Variants in PPP4R3A observed in about 807,000 individuals in gnomAD.
The protein encoded by PPP4R3A is serine/threonine-protein phosphatase 4 regulatory subunit 3A.
PPP4R3A carries 15 observed loss-of-function variants against 91.7 expected under a neutral mutation model. The observed-to-expected ratio is 0.16, with a 90% CI of 0.11 to 0.25. The LOEUF is 0.25. PPP4R3A is among the 10% of genes least tolerant of loss of function. The probability of loss-of-function intolerance (pLI) is 1.00; values close to 1 mark genes in which losing one functional copy is unlikely to be tolerated. For missense variants in PPP4R3A, 623 were observed against 998.4 expected (o/e 0.62, Z 5.07); for synonymous variants, 377 against 348.7 (o/e 1.08, Z -0.91).
intron 1 of PPP4R3A, among the ~76,000 whole-genome samples, chr14:91,498,165 T>C (rs1487896915): frequency 6.6e-6 from 1 of 152,038 alleles, no homozygotes; most frequent in African/African-American, 2.4e-5. Context: ...TGAAACCCCG[T>C]CTCTACTAAA....
intron 2 of PPP4R3A, among the ~76,000 whole-genome samples, chr14:91,489,385 G>A (rs8015483): frequency 0.091 from 13,836 of 152,138 alleles, 1,234 homozygotes; most frequent in East Asian, 0.44. Context: ...CTGCTATAAC[G>A]TATATTCAGA....
Position 91,473,384 on chromosome 14 carries a change from T to TA in PPP4R3A, c.1267-15dup. On this transcript the variant is annotated splice_polypyrimidine_tract_variant and intron_variant, in intron 7 of 14. Transcript: ENST00000554943. ...GAGCAAAATATCCTGGAGAGAAAAA[T>TA]AGACATACTCAGGATCACTTATTAT... 1.2e-6 allele frequency: 2 copies of TA among 1,605,546 alleles called. No homozygotes were observed. Among genetic ancestry groups the TA allele is most frequent in the South Asian group, 2.2e-5 (2 of 89,574 alleles).
Position 91,473,225 on chromosome 14 carries a change from T to TGC in PPP4R3A, c.1398+12_1398+13dup. 6.2e-7 allele frequency: 1 copy of TGC among 1,612,600 alleles called. No homozygotes were observed. The highest frequency in any genetic ancestry group is 8.5e-7 in the Non-Finnish European group (1 of 1,179,330). On this transcript the variant is annotated intron_variant, in intron 8 of 14. Transcript: ENST00000554943. ...TACTAGCTATGAAAAAGAGGGGAAA[T>TGC]GCTCATGGCTTACATTGGCAGTGGC...
At chr14:91,468,341 C>T (rs1417200123) in intron 10 of PPP4R3A, among the ~76,000 whole-genome samples, 2 of 152,110 alleles carry the variant, frequency 1.3e-5, no homozygotes, top group Non-Finnish European at 2.9e-5. Flanking sequence ...AAAGAAAAGT[C>T]CTTTGCTTTC....
chr14:91,507,611 GTTATATATACTA>G (rs1249405514), intron 1 of PPP4R3A, among the ~76,000 whole-genome samples: 1 of 40,684 alleles, frequency 2.5e-5, no homozygotes, highest in East Asian at 7.1e-4. Context: ...ACATACTATA[GTTATATATACTA>G]TTATATATAC....
chr14:91,462,777 A>G lies in PPP4R3A; in HGVS notation c.1931T>C (p.Phe644Ser), dbSNP rs1483443992. ...ATCTTGCCTTTCTCTTTGTTGTTCA[A>G]ATCTCAGTTTTAATCCTTTAAATGT... Reference protein sequence around the residue: ...VQTFKGLKLRFEQQRERQDNP... With the variant: ...VQTFKGLKLRSEQQRERQDNP... Residue 644 changes from phenylalanine (F) to serine (S), a missense_variant, in exon 12 of 15, where the codon TTT becomes TCT. Phe to Ser is a radical substitution (Grantham distance 155). Coordinates refer to ENST00000554943, the MANE Select transcript of PPP4R3A (RefSeq NM_001366432.2). 1 of 1,613,602 alleles carries G rather than the reference A, an allele frequency of 6.2e-7. No individual in the cohort carries two copies. Among genetic ancestry groups the G allele is most frequent in the Admixed American group, 1.7e-5 (1 of 60,010 alleles).
intron 10 of PPP4R3A, among the ~76,000 whole-genome samples, chr14:91,467,817 A>C (rs1228732900): frequency 6.6e-6 from 1 of 152,204 alleles, no homozygotes; most frequent in Non-Finnish European, 1.5e-5. Flanking sequence ...AAAGCTCCCT[A>C]AATCCCCAAA....
intron 1 of PPP4R3A, among the ~76,000 whole-genome samples, chr14:91,498,806 C>T (rs1020295302): frequency 4.0e-5 from 6 of 150,612 alleles, no homozygotes; most frequent in African/African-American, 7.3e-5. Context: ...CCCAGCCACT[C>T]GGGAGGCTGA....
intron 4 of PPP4R3A, among the ~76,000 whole-genome samples, chr14:91,480,129 CAG>C (rs545405269): frequency 1.2e-3 from 178 of 152,136 alleles, no homozygotes; most frequent in African/African-American, 4.2e-3. Flanking sequence ...AACACCAGAT[CAG>C]AGAGATTGGG....
chr14:91,462,672 C>T, intron 12 of PPP4R3A, 63 bp downstream of exon 12: 1 of 1,570,896 alleles, frequency 6.4e-7, no homozygotes, highest in Non-Finnish European at 8.7e-7. Flanking sequence ...ATCAAATAAA[C>T]AATAAAGCCA....
At chr14:91,458,953 G>C (rs1314954610) in intron 14 of PPP4R3A, 84 bp from the exon 15 acceptor site, 3 of 1,434,792 alleles carry the variant, frequency 2.1e-6, no homozygotes, top group African/African-American at 1.4e-5. Context: ...AAAGAAAATA[G>C]ATCCTACCAA....
intron 1 of PPP4R3A, among the ~76,000 whole-genome samples, chr14:91,495,251 C>A (rs1022794256): frequency 2.7e-5 from 4 of 149,908 alleles, no homozygotes; most frequent in Admixed American, 2.7e-4. Context: ...ACCTTGAAAA[C>A]ATATGAAATT....
At chr14:91,463,134 C>T (rs1030123708) in intron 11 of PPP4R3A, among the ~76,000 whole-genome samples, 1 of 151,910 alleles carries the variant, frequency 6.6e-6, no homozygotes, top group Non-Finnish European at 1.5e-5. Context: ...GGCATGATCT[C>T]GGCTCACTGC....
chr14:91,491,913 A>G (rs979270618), intron 1 of PPP4R3A, among the ~76,000 whole-genome samples: 3 of 148,662 alleles, frequency 2.0e-5, no homozygotes, highest in African/African-American at 7.5e-5. Context: ...GTCTCCCTTT[A>G]TTGCCCAGGC....
In PPP4R3A at chr14:91,510,037, GGCCGCC is replaced by G. The variant is rs906392775; in HGVS notation, c.-396_-391del. 181 of 769,604 alleles carry G rather than the reference GGCCGCC, an allele frequency of 2.4e-4. 1 individual carries two copies. The highest frequency in any genetic ancestry group is 1.9e-3 in the East Asian group (16 of 8,302). 47.7% of individuals were successfully genotyped at this position (769,604 alleles called of 1,614,324 possible). ...TTCCCGCGCCGCCGCCGCCTCCTCA[GGCCGCC>G]GCCGCCGCCGCCATATTTTCCTTCC... is the stretch of plus-strand genomic sequence containing the variant. On this transcript the variant is annotated 5_prime_UTR_variant, in exon 1 of 15. Transcript: ENST00000554943.
At chr14:91,479,646 T>A (rs746175305) in intron 4 of PPP4R3A, among the ~76,000 whole-genome samples, 9 of 152,066 alleles carry the variant, frequency 5.9e-5, no homozygotes, top group Non-Finnish European at 1.0e-4. Flanking sequence ...CAGATTCAAA[T>A]GATTCTCTCG....
At chr14:91,467,118 T>C (rs1272629256) in intron 10 of PPP4R3A, among the ~76,000 whole-genome samples, 1 of 152,200 alleles carries the variant, frequency 6.6e-6, no homozygotes, top group Non-Finnish European at 1.5e-5. Flanking sequence ...TAGTGGTCTT[T>C]TTGTTTTGGT....
At chr14:91,469,671 C>T (rs529435208) in intron 10 of PPP4R3A, among the ~76,000 whole-genome samples, 4 of 152,272 alleles carry the variant, frequency 2.6e-5, no homozygotes, top group Admixed American at 1.3e-4. Flanking sequence ...CAGGTTCAAG[C>T]GATCCTTCTG....
chr14:91,461,954 C>G, intron 13 of PPP4R3A, 95 bp downstream of exon 13: 1 of 1,416,614 alleles, frequency 7.1e-7, no homozygotes, highest in Non-Finnish European at 9.2e-7. Flanking sequence ...TATGCCATCA[C>G]ACCTTCCAAG....
Sources: gnomAD v4.1 joint callset for allele counts (sites outside exome capture counted in the v4.1 genomes callset) on GRCh38, gnomAD v4.1.1 for gene constraint, MANE v1.5 for transcripts, NCBI Gene and HGNC (gene_info 2026-07-23, HGNC 2026-07-21) for gene names.